DYSF: variants seen among roughly 807,000 people sequenced by gnomAD.
DYSF encodes dysferlin, also known as dystrophy-associated fer-1-like 1.
DYSF carries 212 observed loss-of-function variants against 274.9 expected under a neutral mutation model. The observed-to-expected ratio is 0.77, with a 90% CI of 0.69 to 0.86. The LOEUF is 0.86. Ranked by LOEUF, DYSF falls within the 40% of genes least tolerant of loss-of-function variation. DYSF has a pLI of 0.00. For missense variants in DYSF, 2,666 were observed against 2,783.2 expected, an observed-to-expected ratio of 0.96 and a Z score of 0.95; for synonymous variants, 1,091 against 1,078.7, an observed-to-expected ratio of 1.01 and a Z score of -0.22.
chr2:71,502,843 G>A (rs889856646), intron 3 of DYSF, among the ~76,000 whole-genome samples: 12 of 152,168 alleles, frequency 7.9e-5, no homozygotes, highest in African/African-American at 2.9e-4. Flanking sequence ...TGGGGCTCAG[G>A]GGCAGTGTGG....
intron 40 of DYSF, among the ~76,000 whole-genome samples, chr2:71,617,852 TGGG>T (rs1194540309): frequency 5.7e-5 from 2 of 35,074 alleles, no homozygotes; most frequent in African/African-American, 1.9e-4. Flanking sequence ...GTGGTAGAGA[TGGG>T]GTGTGTGTGT....
chr2:71,584,484 C>T (rs1002056828), intron 30 of DYSF, among the ~76,000 whole-genome samples: 1 of 152,128 alleles, frequency 6.6e-6, no homozygotes, highest in African/African-American at 2.4e-5. Context: ...ACATTAATCC[C>T]TTTTTCCATA....
chr2:71,476,426 G>A (rs78080448), intron 1 of DYSF, among the ~76,000 whole-genome samples: 4 of 151,762 alleles, frequency 2.6e-5, no homozygotes, highest in South Asian at 2.1e-4. Flanking sequence ...TTGTAGTCGC[G>A]GCTACTCGGG....
chr2:71,523,543 CTTTT>C (rs10718722), intron 12 of DYSF, among the ~76,000 whole-genome samples: 3 of 96,368 alleles, frequency 3.1e-5, no homozygotes, highest in African/African-American at 8.3e-5. Context: ...CACCAGTCAT[CTTTT>C]TTTTTTTTTT....
At chr2:71,513,582 G>A in intron 6 of DYSF, 134 bp from the exon 7 acceptor site, 2 of 942,980 alleles carry the variant, frequency 2.1e-6, no homozygotes, top group Admixed American at 2.2e-5. Flanking sequence ...TGGGGAGGGA[G>A]GAGGGAGAGG....
intron 30 of DYSF, among the ~76,000 whole-genome samples, chr2:71,582,384 G>C (rs993404669): frequency 6.6e-6 from 1 of 152,124 alleles, no homozygotes; most frequent in Non-Finnish European, 1.5e-5. Context: ...TAGGAGATAG[G>C]GTCTGTCAGC....
chr2:71,630,815 A>T (rs894462250), intron 41 of DYSF, among the ~76,000 whole-genome samples: 1 of 152,194 alleles, frequency 6.6e-6, no homozygotes, highest in Non-Finnish European at 1.5e-5. Flanking sequence ...TGGTGTGGAC[A>T]CCTGTCAGTG....
intron 31 of DYSF, 97 bp downstream of exon 31, chr2:71,589,783 T>C (rs1284515226): frequency 4.9e-6 from 6 of 1,220,100 alleles, no homozygotes; most frequent in African/African-American, 1.5e-5. Flanking sequence ...TATGTGGGGC[T>C]CTGGGGAGCT....
chr2:71,568,342 AGTC>A lies in DYSF; in HGVS notation c.2864+7_2864+9del, dbSNP rs2152811500. ...GGTTCGTGTGTCCGGAGAAGACGTG[AGTC>A]GTGGGCAGGGAGGGCTGGGGAGAGC... is the stretch of plus-strand genomic sequence containing the variant. On this transcript the variant is annotated splice_donor_5th_base_variant and intron_variant, in intron 26 of 55. Coordinates refer to ENST00000410020, the MANE Select transcript of DYSF (RefSeq NM_001130987.2). 6.2e-7 allele frequency: 1 copy of A among 1,613,678 alleles called. No homozygotes were observed. The highest frequency in any genetic ancestry group is 8.5e-7 in the Non-Finnish European group (1 of 1,179,694).
intron 41 of DYSF, among the ~76,000 whole-genome samples, chr2:71,621,957 C>A (rs1283195162): frequency 6.6e-6 from 1 of 152,152 alleles, no homozygotes; most frequent in Non-Finnish European, 1.5e-5. Flanking sequence ...CCACACCCAG[C>A]CTATTCTTAT....
At chr2:71,612,560 G>A (rs1245786652) in intron 38 of DYSF, 81 bp from the exon 39 acceptor site, 19 of 1,585,084 alleles carry the variant, frequency 1.2e-5, no homozygotes, top group Non-Finnish European at 1.6e-5. Flanking sequence ...GCGGTTTATA[G>A]TCATTTTCTG....
intron 17 of DYSF, among the ~76,000 whole-genome samples, chr2:71,544,047 G>T (rs1403435823): frequency 6.6e-6 from 1 of 152,124 alleles, no homozygotes; most frequent in Non-Finnish European, 1.5e-5. Flanking sequence ...TTTGCTCCTC[G>T]TCTGTTCTCT....
In DYSF at chr2:71,551,643, T is replaced by C; in HGVS notation, c.1729T>C (p.Ser577Pro). 1 of 1,610,370 alleles carries C rather than the reference T, an allele frequency of 6.2e-7. No individual in the cohort carries two copies. ...GGCTTATCGTGGCCGGCTTCTGCTC[T>C]CCCTGGAGACCAAGCTGGTGGAGCA... ...GVAYRGRLLL[S>P]LETKLVEHSE... Residue 577 changes from serine to proline, a missense_variant, in exon 19 of 56, where the codon TCC (serine) becomes CCC (proline). By Grantham distance (74) the Ser-to-Pro change is moderately conservative (BLOSUM62 -1). This residue lies in a region of DYSF where 794 missense variants were observed against 777.1 expected (regional missense o/e 1.02). Transcript: ENST00000410020.
chr2:71,511,717 G>A, intron 4 of DYSF, 90 bp from the exon 5 acceptor site: 1 of 870,874 alleles, frequency 1.1e-6, no homozygotes, highest in Admixed American at 2.0e-5. Flanking sequence ...ATATTCCTTG[G>A]TGGAGGGATG....
chr2:71,522,815 A>T (rs1446748602), intron 12 of DYSF, among the ~76,000 whole-genome samples: 1 of 152,118 alleles, frequency 6.6e-6, no homozygotes, highest in Non-Finnish European at 1.5e-5. Flanking sequence ...AAATTGCATG[A>T]TTATCCACTT....
chr2:71,516,154 T>C (rs954851578), intron 8 of DYSF, 26 bp from the exon 9 acceptor site: 4 of 1,613,404 alleles, frequency 2.5e-6, no homozygotes, highest in Non-Finnish European at 3.4e-6. Flanking sequence ...GGCACTGATA[T>C]GTCTCTCTTT....
chr2:71,571,275 AC>A (rs1401814872), intron 29 of DYSF, among the ~76,000 whole-genome samples: 1 of 150,436 alleles, frequency 6.6e-6, no homozygotes, highest in African/African-American at 2.5e-5. Flanking sequence ...CATGCAGCAC[AC>A]CCACAGTTCA....
intron 30 of DYSF, among the ~76,000 whole-genome samples, chr2:71,582,669 A>G (rs2092934442): frequency 6.6e-6 from 1 of 152,170 alleles, no homozygotes; most frequent in Non-Finnish European, 1.5e-5. Flanking sequence ...AGAACAAAAC[A>G]AAACAAAACA....
intron 16 of DYSF, among the ~76,000 whole-genome samples, chr2:71,536,409 G>T (rs936190231): frequency 6.6e-6 from 1 of 152,252 alleles, no homozygotes; most frequent in Non-Finnish European, 1.5e-5. Flanking sequence ...GTGAGGGAGA[G>T]GCCGCAAGGG....
Sources: allele counts gnomAD v4.1 joint callset (sites outside exome capture counted in the v4.1 genomes callset), GRCh38; gene constraint gnomAD v4.1.1; regional missense constraint gnomAD v4.1.1; transcripts MANE v1.5; gene names NCBI Gene and HGNC (gene_info 2026-07-23, HGNC 2026-07-21).